Variants in WLS observed in about 807,000 individuals in gnomAD.
WLS encodes protein wntless homolog.
Under a neutral mutation model 62.8 loss-of-function variants are expected in WLS, and 23 were observed. The observed-to-expected ratio is 0.37, with a 90% CI of 0.26 to 0.52. The LOEUF is 0.52. WLS is among the 20% of genes least tolerant of loss of function. The pLI is 0.92. For synonymous variants in WLS, 246 were observed against 244.1 expected, an observed-to-expected ratio of 1.01 and a Z score of -0.07; for missense variants, 615 against 697.3, an observed-to-expected ratio of 0.88 and a Z score of 1.33.
chr1:68,194,757 C>T (rs1648570526), intron 1 of WLS, among the ~76,000 whole-genome samples: 2 of 152,122 alleles, frequency 1.3e-5, no homozygotes, highest in African/African-American at 2.4e-5. Context: ...TACAACATTG[C>T]TTTTGCTTAA....
At chr1:68,219,782 G>A (rs538657134) in intron 1 of WLS, among the ~76,000 whole-genome samples, 1 of 152,124 alleles carries the variant, frequency 6.6e-6, no homozygotes, top group South Asian at 2.1e-4. Context: ...TATAATTCTA[G>A]CTAATGTTTC....
intron 11 of WLS, among the ~76,000 whole-genome samples, chr1:68,103,678 C>CT (rs1646107205): frequency 6.6e-6 from 1 of 152,206 alleles, no homozygotes; most frequent in African/African-American, 2.4e-5. Flanking sequence ...TTTGGGAAGT[C>CT]TTATCAGAAG....
intron 10 of WLS, among the ~76,000 whole-genome samples, chr1:68,142,116 A>T (rs796104967): frequency 9.8e-5 from 15 of 152,294 alleles, no homozygotes; most frequent in African/African-American, 3.1e-4. Flanking sequence ...TAAGAAGTAC[A>T]CTAATTAAAC....
intron 2 of WLS, among the ~76,000 whole-genome samples, chr1:68,180,273 C>T (rs1056615425): frequency 1.3e-5 from 2 of 151,964 alleles, no homozygotes; most frequent in Non-Finnish European, 2.9e-5. Context: ...TTCCATGTGA[C>T]AGCAACTTAA....
At chr1:68,144,693 C>T in intron 9 of WLS, 41 bp from the exon 10 acceptor site, 1 of 1,499,104 alleles carries the variant, frequency 6.7e-7, no homozygotes, top group Non-Finnish European at 9.3e-7. Context: ...CCATCAGCTA[C>T]CAATCCTTTT....
At chr1:68,186,977 C>T (rs112163500) in intron 2 of WLS, among the ~76,000 whole-genome samples, 81 of 151,724 alleles carry the variant, frequency 5.3e-4, no homozygotes, top group Middle Eastern at 3.4e-3. Flanking sequence ...TTTGGGAGGC[C>T]GAGGCGGGCG....
chr1:68,153,112 C>T (rs925397490), intron 5 of WLS, among the ~76,000 whole-genome samples: 1 of 151,996 alleles, frequency 6.6e-6, no homozygotes, highest in African/African-American at 2.4e-5. Flanking sequence ...AACCCTGTCT[C>T]TACAAAAAAT....
chr1:68,203,112 G>T (rs1649113400), intron 1 of WLS: 1 of 151,880 alleles, frequency 6.6e-6, no homozygotes, highest in Admixed American at 6.6e-5. Context: ...CAATATTATT[G>T]TTAATAATAA....
chr1:68,151,542 G>T (rs1430757), intron 5 of WLS, among the ~76,000 whole-genome samples: 2,682 of 152,212 alleles, frequency 0.018, 78 homozygotes, highest in African/African-American at 0.062. Flanking sequence ...TGTGATGCTT[G>T]CATAGAGATG....
chr1:68,112,033 C>G (rs1202505274), intron 11 of WLS, among the ~76,000 whole-genome samples: 1 of 152,182 alleles, frequency 6.6e-6, no homozygotes, highest in East Asian at 1.9e-4. Context: ...TGGGAATGTA[C>G]AGTATTCATT....
At chr1:68,112,470 A>G (rs1429730516) in intron 11 of WLS, among the ~76,000 whole-genome samples, 1 of 151,918 alleles carries the variant, frequency 6.6e-6, no homozygotes, top group Non-Finnish European at 1.5e-5. Context: ...TGCTGTGTAC[A>G]CTCCGGTTCC....
chr1:68,194,085 C>T lies in WLS; in HGVS notation c.249G>A (p.Arg83=), dbSNP rs1028862624. The T allele has an allele frequency of 6.2e-6, 10 of 1,614,082 alleles. No homozygotes were observed. Among genetic ancestry groups the T allele is most frequent in the South Asian group, 2.2e-5 (2 of 91,068 alleles). ...ACACGATGTCATTGGCTTCAATTTCCCTTGGAATTGCCTCTTCAATGTCTC... is the reference window on the plus strand; with the variant it reads ...ACACGATGTCATTGGCTTCAATTTCTCTTGGAATTGCCTCTTCAATGTCTC... ...KIRDIEEAIP[R]EIEANDIVFS... The change falls in exon 2 of 12, where the codon AGG becomes AGA. Residue 83 remains arginine (R), a synonymous_variant. Transcript: ENST00000262348.
chr1:68,137,750 T>G, intron 11 of WLS, 30 bp downstream of exon 11: 1 of 1,606,770 alleles, frequency 6.2e-7, no homozygotes, highest in Non-Finnish European at 8.5e-7. Flanking sequence ...TTATCCTGAC[T>G]TAAGCTGTTC....
chr1:68,169,141 G>T (rs1430744), intron 2 of WLS, among the ~76,000 whole-genome samples: 8,938 of 152,276 alleles, frequency 0.059, 284 homozygotes, highest in Middle Eastern at 0.11. Flanking sequence ...TCTAAGCATT[G>T]CAAAACTGGT....
intron 1 of WLS, among the ~76,000 whole-genome samples, chr1:68,209,703 C>G (rs1571018069): frequency 6.6e-6 from 1 of 152,078 alleles, no homozygotes; most frequent in East Asian, 1.9e-4. Flanking sequence ...ATCACTTGAA[C>G]CTGGGAAGCG....
intron 2 of WLS, among the ~76,000 whole-genome samples, chr1:68,175,103 A>G (rs1199576112): frequency 6.6e-6 from 1 of 152,208 alleles, no homozygotes; most frequent in Non-Finnish European, 1.5e-5. Context: ...TTCTCCCTCC[A>G]AAGTTGTTCT....
Position 68,150,261 on chromosome 1 carries a change from C to T in WLS, c.899G>A (p.Gly300Asp), listed in dbSNP as rs1457147736. The T allele has an allele frequency of 6.2e-7, 1 of 1,614,152 alleles. No homozygotes were observed. The highest frequency in any genetic ancestry group is 1.7e-5 in the Admixed American group (1 of 60,016). ...GFDWTWMLLFGDIRQGIFYAM... is the reference protein window; with the variant it reads ...GFDWTWMLLFDDIRQGIFYAM... ...ATAGAAGATGCCCTGTCGGATGTCA[C>T]CAAACAGCAGCATCCAGGTCCAGTC... Residue 300 changes from glycine (G) to aspartate (D), a missense_variant, in exon 6 of 12, where the codon GGT becomes GAT. Coordinates refer to ENST00000262348, the MANE Select transcript of WLS (RefSeq NM_024911.7).
chr1:68,114,412 T>G (rs571276890), intron 11 of WLS, among the ~76,000 whole-genome samples: 10 of 152,256 alleles, frequency 6.6e-5, no homozygotes, highest in African/African-American at 2.4e-4. Flanking sequence ...TCCACAGGTG[T>G]CAAGAATCTA....
At chr1:68,221,483 G>A (rs1649939304) in intron 1 of WLS, among the ~76,000 whole-genome samples, 2 of 152,186 alleles carry the variant, frequency 1.3e-5, no homozygotes, top group Non-Finnish European at 2.9e-5. Context: ...ACACAAGCCA[G>A]AACTAGCTCA....
Sources: allele counts gnomAD v4.1 joint callset (sites outside exome capture counted in the v4.1 genomes callset), GRCh38; gene constraint gnomAD v4.1.1; transcripts MANE v1.5; gene names NCBI Gene and HGNC (gene_info 2026-07-23, HGNC 2026-07-21).